NUBPL: variants seen among roughly 807,000 people sequenced by gnomAD.
The protein encoded by NUBPL is NUBP iron-sulfur cluster assembly factor, mitochondrial, also known as iron-sulfur cluster transfer protein NUBPL.
NUBPL carries 31 observed loss-of-function variants against 45.7 expected under a neutral mutation model. That is an observed-to-expected ratio of 0.68 (90% CI 0.51 to 0.92). The LOEUF (loss-of-function observed/expected upper bound fraction) is 0.92. NUBPL is among the 40% of genes least tolerant of loss of function. NUBPL has a pLI of 0.00. For synonymous variants in NUBPL, 144 were observed against 140.9 expected (o/e 1.02, Z -0.15); for missense variants, 401 against 398.7 (o/e 1.01, Z -0.05).
intron 3 of NUBPL, among the ~76,000 whole-genome samples, chr14:31,573,078 A>G (rs2033630368): frequency 6.6e-6 from 1 of 152,202 alleles, no homozygotes; most frequent in Non-Finnish European, 1.5e-5. Flanking sequence ...TAGGGCATTA[A>G]TGTACACTTT....
chr14:31,733,802 T>C (rs1198717179), intron 6 of NUBPL, among the ~76,000 whole-genome samples: 1 of 152,208 alleles, frequency 6.6e-6, no homozygotes, highest in Non-Finnish European at 1.5e-5. Flanking sequence ...TTTTCAGTAC[T>C]ATGTAGAGTA....
At chr14:31,802,286 T>TTCTTCTTC (rs771437575) in intron 7 of NUBPL, among the ~76,000 whole-genome samples, 1 of 6,522 alleles carries the variant, frequency 1.5e-4, no homozygotes, top group African/African-American at 2.1e-4. Flanking sequence ...CTTCTTCTTC[T>TTCTTCTTC]TTTTTTTTTT....
At chr14:31,572,540 T>C (rs1263537683) in intron 3 of NUBPL, among the ~76,000 whole-genome samples, 1 of 152,226 alleles carries the variant, frequency 6.6e-6, no homozygotes, top group Non-Finnish European at 1.5e-5. Context: ...GGTAAATGTT[T>C]GCTATACGTA....
At chr14:31,626,441 AC>A (rs1347734389) in intron 4 of NUBPL, among the ~76,000 whole-genome samples, 1 of 152,156 alleles carries the variant, frequency 6.6e-6, no homozygotes, top group Non-Finnish European at 1.5e-5. Flanking sequence ...CACCTGGCCC[AC>A]TGTTTAGCTT....
intron 3 of NUBPL, among the ~76,000 whole-genome samples, chr14:31,571,266 G>A (rs556176798): frequency 2.0e-4 from 31 of 151,602 alleles, no homozygotes; most frequent in African/African-American, 7.3e-4. Context: ...AGTGATGATA[G>A]AAATTCAGGC....
At chr14:31,689,288 G>A (rs1164982089) in intron 6 of NUBPL, among the ~76,000 whole-genome samples, 1 of 152,036 alleles carries the variant, frequency 6.6e-6, no homozygotes, top group Admixed American at 6.5e-5. Flanking sequence ...CATCAACAGT[G>A]TATATATAAG....
chr14:31,579,395 G>A (rs911928422), intron 3 of NUBPL, among the ~76,000 whole-genome samples: 4 of 152,132 alleles, frequency 2.6e-5, no homozygotes, highest in African/African-American at 9.7e-5. Flanking sequence ...AGGGTATCCC[G>A]GCCAAGAAAC....
intron 6 of NUBPL, among the ~76,000 whole-genome samples, chr14:31,778,894 A>G (rs1200863732): frequency 6.6e-6 from 1 of 152,232 alleles, no homozygotes; most frequent in Non-Finnish European, 1.5e-5. Context: ...TGACATCTTT[A>G]TAAATACTGG....
intron 6 of NUBPL, among the ~76,000 whole-genome samples, chr14:31,723,643 C>T (rs2037858797): frequency 6.6e-6 from 1 of 152,020 alleles, no homozygotes; most frequent in Admixed American, 6.6e-5. Flanking sequence ...TTGTAGTTTT[C>T]ATTGTAGAGA....
rs1401969710 is a variant in NUBPL at position 31,860,857 on chromosome 14, T to C, written c.*1677T>C. ...GGCAGCAACTTATAATTCCAGAGAA[T>C]TATGCTGAATGAAAAAGGCCAATTT... is the stretch of plus-strand genomic sequence containing the variant. On this transcript the variant is annotated 3_prime_UTR_variant, in exon 11 of 11. Transcript: ENST00000281081. 2 of 152,128 alleles carry C rather than the reference T, an allele frequency of 1.3e-5. No homozygotes were observed. Among genetic ancestry groups the C allele is most frequent in the Non-Finnish European group, 2.9e-5 (2 of 68,042 alleles). The allele number at this position is 152,128 out of a possible 1,614,324, so 9.4% of individuals were successfully genotyped here.
At chr14:31,721,734 A>G (rs191721739) in intron 6 of NUBPL, among the ~76,000 whole-genome samples, 31 of 152,114 alleles carry the variant, frequency 2.0e-4, no homozygotes, top group African/African-American at 6.8e-4. Context: ...TACTAAGCCC[A>G]GTACCCAACA....
chr14:31,589,140 T>A (rs1410100450), intron 3 of NUBPL, among the ~76,000 whole-genome samples: 2 of 152,102 alleles, frequency 1.3e-5, no homozygotes, highest in Non-Finnish European at 2.9e-5. Flanking sequence ...TAATAACAAT[T>A]TAAATGAAAT....
At chr14:31,807,125 G>C (rs1448273798) in intron 7 of NUBPL, among the ~76,000 whole-genome samples, 1 of 152,104 alleles carries the variant, frequency 6.6e-6, no homozygotes, top group Non-Finnish European at 1.5e-5. Context: ...ATAATCCTTT[G>C]GGTATATACC....
chr14:31,853,544 A>G (rs751067032), intron 10 of NUBPL, among the ~76,000 whole-genome samples: 7 of 152,182 alleles, frequency 4.6e-5, no homozygotes, highest in African/African-American at 7.2e-5. Context: ...TTAGAATTAC[A>G]CACTGAGGAT....
intron 6 of NUBPL, among the ~76,000 whole-genome samples, chr14:31,720,171 A>T (rs577060566): frequency 8.3e-4 from 127 of 152,218 alleles, no homozygotes; most frequent in South Asian, 5.8e-3. Context: ...TGTAAGTCCC[A>T]CTAATTTTAT....
chr14:31,650,508 C>G (rs769960737), intron 4 of NUBPL, among the ~76,000 whole-genome samples: 35 of 152,094 alleles, frequency 2.3e-4, no homozygotes, highest in Non-Finnish European at 3.2e-4. Flanking sequence ...CCAGGATGGT[C>G]TCAATCTCCT....
chr14:31,604,226 G>C (rs942683215), intron 4 of NUBPL, among the ~76,000 whole-genome samples: 1 of 146,592 alleles, frequency 6.8e-6, no homozygotes, highest in Non-Finnish European at 1.5e-5. Context: ...CTGATCTTAA[G>C]TCCCCCAAGA....
chr14:31,661,231 T>G (rs922041182), intron 4 of NUBPL, among the ~76,000 whole-genome samples: 1 of 152,206 alleles, frequency 6.6e-6, no homozygotes, highest in Admixed American at 6.5e-5. Context: ...GTGCATGAGC[T>G]CTCATGAAAA....
At chr14:31,821,256 G>A (rs558561149) in intron 7 of NUBPL, among the ~76,000 whole-genome samples, 3 of 152,196 alleles carry the variant, frequency 2.0e-5, no homozygotes, top group African/African-American at 2.4e-5. Flanking sequence ...GAAACGACCC[G>A]GAAATGGGAG....
Sources: allele counts gnomAD v4.1 joint callset (sites outside exome capture counted in the v4.1 genomes callset), GRCh38; gene constraint gnomAD v4.1.1; transcripts MANE v1.5; gene names NCBI Gene and HGNC (gene_info 2026-07-23, HGNC 2026-07-21).